The following SPATA6 variants were observed in gnomAD, a reference collection of about 807,000 sequenced individuals.
SPATA6 encodes spermatogenesis associated 6, also known as spermatogenesis-associated protein 6.
A neutral mutation model predicts 65.3 loss-of-function variants in SPATA6; 56 were observed. That is an observed-to-expected ratio of 0.86 (90% CI 0.69 to 1.07). The LOEUF (loss-of-function observed/expected upper bound fraction) is 1.07. SPATA6 is among the 50% of genes least tolerant of loss of function. SPATA6 has a pLI of 0.00. For synonymous variants in SPATA6, 199 were observed against 213.2 expected (o/e 0.93, Z 0.58); for missense variants, 590 against 594.8 (o/e 0.99, Z 0.08).
At chr1:48,455,046 C>G (rs1440779020) in intron 1 of SPATA6, among the ~76,000 whole-genome samples, 2 of 152,134 alleles carry the variant, frequency 1.3e-5, no homozygotes, top group Non-Finnish European at 2.9e-5. Flanking sequence ...CTAATATATT[C>G]CCAATTGATC....
chr1:48,454,386 A>G (rs755041606), intron 1 of SPATA6, among the ~76,000 whole-genome samples: 5 of 151,866 alleles, frequency 3.3e-5, no homozygotes, highest in Non-Finnish European at 5.9e-5. Flanking sequence ...ACTCCTTACT[A>G]CTCCATTCCA....
At chr1:48,380,029 C>A (rs568730421) in intron 9 of SPATA6, among the ~76,000 whole-genome samples, 1 of 152,154 alleles carries the variant, frequency 6.6e-6, no homozygotes, top group East Asian at 1.9e-4. Context: ...CATGTTGTAC[C>A]ATAAGTACAT....
chr1:48,441,708 C>T (rs1655500151), intron 3 of SPATA6, among the ~76,000 whole-genome samples: 1 of 152,134 alleles, frequency 6.6e-6, no homozygotes, highest in Non-Finnish European at 1.5e-5. Flanking sequence ...AACCTCACAA[C>T]CAGTGGCATA....
At chr1:48,313,948 C>T (rs1193403530) in intron 11 of SPATA6, among the ~76,000 whole-genome samples, 2 of 152,224 alleles carry the variant, frequency 1.3e-5, no homozygotes, top group East Asian at 1.9e-4. Flanking sequence ...CAAAGAAGCC[C>T]ATTACATAAT....
the SPATA6 span, among the ~76,000 whole-genome samples, chr1:48,283,864 T>G: frequency 5.3e-5 from 8 of 152,066 alleles, no homozygotes; most frequent in Non-Finnish European, 1.2e-4. Context: ...CCTTAACATT[T>G]TTTCATTGAT....
intron 9 of SPATA6, among the ~76,000 whole-genome samples, chr1:48,365,942 GCT>G (rs779162988): frequency 7.2e-5 from 11 of 152,286 alleles, no homozygotes; most frequent in Non-Finnish European, 1.0e-4. Context: ...GTCATAGATA[GCT>G]CTTATTATTT....
the SPATA6 span, among the ~76,000 whole-genome samples, chr1:48,278,888 C>A: frequency 2.6e-5 from 4 of 152,082 alleles, no homozygotes; most frequent in Non-Finnish European, 5.9e-5. Context: ...GTCAGATTCA[C>A]CAAAGTTTAA....
At chr1:48,456,276 T>C (rs916654764) in intron 1 of SPATA6, among the ~76,000 whole-genome samples, 4 of 152,166 alleles carry the variant, frequency 2.6e-5, no homozygotes, top group Non-Finnish European at 4.4e-5. Flanking sequence ...ATAAAGCTAA[T>C]TGAGCAAAGC....
intron 1 of SPATA6, among the ~76,000 whole-genome samples, chr1:48,460,043 T>A (rs1483565156): frequency 6.6e-6 from 1 of 152,050 alleles, no homozygotes; most frequent in African/African-American, 2.4e-5. Context: ...TGATCATAGC[T>A]CACTGCAGCC....
At chr1:48,338,447 T>C (rs1286691078) in intron 11 of SPATA6, among the ~76,000 whole-genome samples, 1 of 152,026 alleles carries the variant, frequency 6.6e-6, no homozygotes, top group Admixed American at 6.6e-5. Flanking sequence ...CTTCCTGCTA[T>C]CTCACGATAC....
intron 5 of SPATA6, among the ~76,000 whole-genome samples, chr1:48,409,328 A>C (rs946550286): frequency 6.6e-6 from 1 of 152,202 alleles, no homozygotes; most frequent in Non-Finnish European, 1.5e-5. Flanking sequence ...CTGATACAAG[A>C]GGTACGTTCC....
chr1:48,446,424 A>G (rs1316320638), intron 3 of SPATA6, among the ~76,000 whole-genome samples: 1 of 152,168 alleles, frequency 6.6e-6, no homozygotes, highest in African/African-American at 2.4e-5. Context: ...ACCACCATGT[A>G]TTGCAATACC....
chr1:48,351,688 G>T (rs1646517298), intron 11 of SPATA6, among the ~76,000 whole-genome samples: 1 of 151,976 alleles, frequency 6.6e-6, no homozygotes, highest in African/African-American at 2.4e-5. Flanking sequence ...CTAATATGTT[G>T]TTGGGAATTT....
intron 11 of SPATA6, among the ~76,000 whole-genome samples, chr1:48,315,496 A>T (rs1426135679): frequency 6.6e-6 from 1 of 152,218 alleles, no homozygotes; most frequent in African/African-American, 2.4e-5. Flanking sequence ...AACAACCTTC[A>T]TGCTAAAAAC....
At chr1:48,446,178 A>G (rs1312275295) in intron 3 of SPATA6, among the ~76,000 whole-genome samples, 1 of 152,196 alleles carries the variant, frequency 6.6e-6, no homozygotes, top group Non-Finnish European at 1.5e-5. Flanking sequence ...ACTCTACATA[A>G]GCCCTCTTCC....
intron 5 of SPATA6, among the ~76,000 whole-genome samples, chr1:48,409,731 T>C (rs926412989): frequency 6.6e-6 from 1 of 152,258 alleles, no homozygotes; most frequent in African/African-American, 2.4e-5. Flanking sequence ...ACATGGAAGC[T>C]GCCAAGGCTT....
At chr1:48,340,976 G>T (rs756019903) in intron 11 of SPATA6, among the ~76,000 whole-genome samples, 15 of 152,128 alleles carry the variant, frequency 9.9e-5, no homozygotes, top group Non-Finnish European at 2.1e-4. Context: ...AAACCTATAT[G>T]TATCCAATAA....
chr1:48,453,182 C>G (rs749197529), intron 1 of SPATA6, 51 bp from the exon 2 acceptor site: 2 of 1,543,008 alleles, frequency 1.3e-6, no homozygotes, highest in Non-Finnish European at 1.7e-6. Context: ...ATTCCCTGAA[C>G]TATCCTACTA....
At chr1:48,468,497 A>G (rs1657976630) in intron 1 of SPATA6, among the ~76,000 whole-genome samples, 1 of 152,228 alleles carries the variant, frequency 6.6e-6, no homozygotes, top group African/African-American at 2.4e-5. Context: ...AGGTATGTAC[A>G]CTGTGAAATG....
Sources: allele counts gnomAD v4.1 joint callset (sites outside exome capture counted in the v4.1 genomes callset), GRCh38; gene constraint gnomAD v4.1.1; transcripts MANE v1.5; gene names NCBI Gene and HGNC (gene_info 2026-07-23, HGNC 2026-07-21).